The following MAP3K12 variants were observed in gnomAD, a reference collection of about 807,000 sequenced individuals.
The protein encoded by MAP3K12 is mitogen-activated protein kinase kinase kinase 12.
Under a neutral mutation model 87.5 loss-of-function variants are expected in MAP3K12, and 14 were observed. The observed-to-expected ratio is 0.16, with a 90% confidence interval of 0.11 to 0.25. The LOEUF is 0.25. MAP3K12 is among the 10% of genes least tolerant of loss of function. MAP3K12 has a pLI of 1.00. For synonymous variants in MAP3K12, 469 were observed against 452.5 expected, an observed-to-expected ratio of 1.04 and a Z score of -0.46; for missense variants, 802 against 1,140.4, an observed-to-expected ratio of 0.70 and a Z score of 4.27.
Position 53,487,346 on chromosome 12 carries a change from C to T in MAP3K12, c.46G>A (p.Gly16Ser). 6.2e-7 allele frequency: 1 copy of T among 1,613,824 alleles called. No individual in the cohort carries two copies. ...GCCTCACTTAGGGTAGACACAAAGCCCCCAAAGGAAGGAGAGGGTGTTCGG... is the reference window on the plus strand; with the variant it reads ...GCCTCACTTAGGGTAGACACAAAGCTCCCAAAGGAAGGAGAGGGTGTTCGG... ...ETRTPSPSFG[G>S]FVSTLSEASM... Residue 16 changes from glycine to serine, a missense_variant, in exon 2 of 14, where the codon GGC becomes AGC. By Grantham distance (56) the Gly-to-Ser change is moderately conservative. Around this residue, in one of 5 missense-constraint regions of MAP3K12, gnomAD observed 135 missense variants for 151.6 expected, o/e 0.89. Coordinates refer to ENST00000547488, the MANE Select transcript of MAP3K12 (RefSeq NM_001193511.2).
chr12:53,497,671 G>A lies in MAP3K12; in HGVS notation c.-38+1756C>T, dbSNP rs563080562. ...GTGAGTGAATGCATGAGTGGCTGGCGTGAGGGGCAGACATTTCCACCTCAC... is the reference window on the plus strand; with the variant it reads ...GTGAGTGAATGCATGAGTGGCTGGCATGAGGGGCAGACATTTCCACCTCAC... On this transcript the variant is annotated intron_variant, in intron 1 of 13. Coordinates refer to ENST00000547488, the MANE Select transcript of MAP3K12 (RefSeq NM_001193511.2). Among the ~76,000 whole-genome samples the A allele has an allele frequency of 9.8e-5, 15 of 152,326 alleles. No individual in the cohort carries two copies. The South Asian group carries it at 1.4e-3, about 15-fold the overall frequency.
At position 53,483,136 on chromosome 12, in the gene MAP3K12, C is replaced by G. The variant is rs760965317; in HGVS notation, c.1667G>C (p.Ser556Thr). 5.3e-6 allele frequency: 8 copies of G among 1,520,926 alleles called. No homozygotes were observed. Among genetic ancestry groups the G allele is most frequent in the Non-Finnish European group, 6.2e-6 (7 of 1,136,784 alleles). 94.2% of individuals were successfully genotyped at this position (1,520,926 alleles called of 1,614,324 possible). The stretch of plus-strand genomic sequence containing the variant: ...AGGACACCCAGGAAGCCCCACCCCA[C>G]TCAGGGCTGCATCTAGTTTAGGGAG... ...SLLPKLDAALSGVGLPGCPKG... is the reference protein window; with the variant it reads ...SLLPKLDAALTGVGLPGCPKG... Residue 556 changes from serine to threonine, a missense_variant, in exon 11 of 14, where the codon AGT becomes ACT. Coordinates refer to ENST00000547488, the MANE Select transcript of MAP3K12 (RefSeq NM_001193511.2).
intron 1 of MAP3K12, among the ~76,000 whole-genome samples, chr12:53,490,034 G>T (rs1943357770): frequency 6.6e-6 from 1 of 152,154 alleles, no homozygotes; most frequent in South Asian, 2.1e-4. Context: ...CAGGTGTGGT[G>T]GCTCATGCCT....
Position 53,482,144 on chromosome 12 carries a change from C to T in MAP3K12, c.2377G>A (p.Glu793Lys). Residue 793 changes from glutamate (E) to lysine (K), a missense_variant, in exon 13 of 14, where the codon GAG (glutamate) becomes AAG (lysine). Physicochemically the swap from Glu to Lys is moderately conservative, Grantham distance 56 (BLOSUM62 1). This residue lies in a region of MAP3K12 where 490 missense variants were observed against 496.6 expected (regional missense o/e 0.99). Coordinates refer to ENST00000547488, the MANE Select transcript of MAP3K12 (RefSeq NM_001193511.2). ...GAAGGTTCACTAGCTGTGCCTTCCT[C>T]CCCATCTGATGGATTCTCTGAGCTG... ...TFSSENPSDGEEGTASEPSPS... is the reference protein window; with the variant it reads ...TFSSENPSDGKEGTASEPSPS... 1 of 1,614,202 alleles carries T rather than the reference C, an allele frequency of 6.2e-7. No individual in the cohort carries two copies. Among genetic ancestry groups the T allele is most frequent in the Non-Finnish European group, 8.5e-7 (1 of 1,180,044 alleles).
chr12:53,481,803 A>G, intron 13 of MAP3K12, 138 bp downstream of exon 13: 1 of 1,078,628 alleles, frequency 9.3e-7, no homozygotes, highest in Non-Finnish European at 1.3e-6. Context: ...AGGCTTCTGA[A>G]ATTCCACCAC....
chr12:53,488,802 G>C (rs1323093355), intron 1 of MAP3K12, among the ~76,000 whole-genome samples: 1 of 152,132 alleles, frequency 6.6e-6, no homozygotes, highest in Non-Finnish European at 1.5e-5. Flanking sequence ...GACCTTGGCT[G>C]GGCGCAGTGG....
At position 53,482,109 on chromosome 12, in the gene MAP3K12, G is replaced by A; in HGVS notation, c.2412C>T (p.Gly804=). 1 of 1,614,228 alleles carries A rather than the reference G, an allele frequency of 6.2e-7. No individual in the cohort carries two copies. The highest frequency in any genetic ancestry group is 8.5e-7 in the Non-Finnish European group (1 of 1,180,052). Reference sequence around the variant, plus strand: ...TGTTGGTGCTGCCAACTTCAGGTGTGCCACTGGGGGAAGGTTCACTAGCTG... The same window carrying A: ...TGTTGGTGCTGCCAACTTCAGGTGTACCACTGGGGGAAGGTTCACTAGCTG... ...EGTASEPSPS[G]TPEVGSTNTD... The change falls in exon 13 of 14, where the codon GGC becomes GGT. Residue 804 remains glycine (G), a synonymous_variant. Transcript: ENST00000547488.
chr12:53,497,407 A>G (rs1943565885), intron 1 of MAP3K12, among the ~76,000 whole-genome samples: 1 of 152,196 alleles, frequency 6.6e-6, no homozygotes. Context: ...AAGACCAAAG[A>G]ATGAAGAAAC....
At position 53,487,139 on chromosome 12, in the gene MAP3K12, C is replaced by T; in HGVS notation, c.253G>A (p.Glu85Lys). The T allele has an allele frequency of 6.2e-7, 1 of 1,614,098 alleles. No homozygotes were observed. The highest frequency in any genetic ancestry group is 8.5e-7 in the Non-Finnish European group (1 of 1,180,006). ...CCCCCTGGGCCCCCTGCATCCTGCT[C>T]ATGTAGCTGCAGGACACTGTTGGCA... The part of the protein sequence containing the change: ...PFANSVLQLH[E>K]QDAGGPGGAA... The change falls in exon 2 of 14, where the codon GAG becomes AAG. Residue 85 changes from glutamate to lysine, a missense_variant. Glu to Lys is a moderately conservative substitution (Grantham distance 56). Transcript: ENST00000547488.
At chr12:53,497,390 GA>G (rs201072837) in intron 1 of MAP3K12, among the ~76,000 whole-genome samples, 12 of 151,822 alleles carry the variant, frequency 7.9e-5, no homozygotes, top group East Asian at 1.9e-4. Flanking sequence ...AAACAAGAGG[GA>G]AAAAAAAGAC....
intron 1 of MAP3K12, among the ~76,000 whole-genome samples, chr12:53,494,397 A>C (rs1256324172): frequency 6.6e-6 from 1 of 152,238 alleles, no homozygotes; most frequent in East Asian, 1.9e-4. Flanking sequence ...TTGGACACCC[A>C]ACAGGCCCTA....
At chr12:53,483,530 G>A (rs537747142) in intron 9 of MAP3K12, 44 bp from the exon 10 acceptor site, 1 of 1,613,908 alleles carries the variant, frequency 6.2e-7, no homozygotes, top group South Asian at 1.1e-5. Context: ...TGACCAGGAA[G>A]GGGCACCCCA....
At chr12:53,487,656 G>C (rs1246229099) in intron 1 of MAP3K12, 3 of 474,192 alleles carry the variant, frequency 6.3e-6, no homozygotes, top group South Asian at 3.3e-5. Context: ...CAAGTAATAG[G>C]TAGACAGGTA....
intron 4 of MAP3K12, 73 bp downstream of exon 4, chr12:53,485,983 G>T: frequency 1.4e-6 from 2 of 1,430,754 alleles, no homozygotes; most frequent in Non-Finnish European, 9.6e-7. Context: ...TGGTTTGGAA[G>T]CCGGGAGAAG....
chr12:53,480,501 A>C lies in MAP3K12; in HGVS notation c.*681T>G, dbSNP rs1039857881. The C allele has an allele frequency of 3.3e-5, 5 of 152,576 alleles. No homozygotes were observed. Among genetic ancestry groups the C allele is most frequent in the African/African-American group, 1.2e-4 (5 of 41,424 alleles). The allele number at this position is 152,576 out of a possible 1,614,324, so 9.5% of individuals were successfully genotyped here. A position where few individuals can be genotyped will look rare whatever the true frequency, so the allele number is the denominator to read the frequency against. ...GAAAACCCTCAACAGCTGGGCCTGC[A>C]TGGAGTGTTATATTTCAAGGTTTTT... On this transcript the variant is annotated 3_prime_UTR_variant, in exon 14 of 14. Coordinates refer to ENST00000547488, the MANE Select transcript of MAP3K12 (RefSeq NM_001193511.2).
intron 1 of MAP3K12, chr12:53,493,738 T>G (rs976566103): frequency 6.6e-6 from 1 of 152,188 alleles, no homozygotes; most frequent in Non-Finnish European, 1.5e-5. Context: ...CATCTGGTTG[T>G]TTGACGACTA....
chr12:53,498,385 T>C (rs1167760540), intron 1 of MAP3K12, among the ~76,000 whole-genome samples: 3 of 152,146 alleles, frequency 2.0e-5, no homozygotes, highest in Non-Finnish European at 2.9e-5. Context: ...GACTGTGGCT[T>C]GAGACGACTC....
At chr12:53,481,374 C>CA (rs1943036020) in intron 13 of MAP3K12, 94 bp from the exon 14 acceptor site, 1 of 555,990 alleles carries the variant, frequency 1.8e-6, no homozygotes, top group Non-Finnish European at 2.8e-6. Flanking sequence ...TTTTTTAAGA[C>CA]AGAGTCTCAC....
rs767420654 is a variant in MAP3K12, at chr12:53,482,575, G to A, written c.2228C>T (p.Thr743Ile). Reference sequence around the variant, plus strand: ...CTTCCCATACTTTACCTGACTTCGGGTGACGGCAGCCCTGTACAGCAGTGC... The same window carrying A: ...CTTCCCATACTTTACCTGACTTCGGATGACGGCAGCCCTGTACAGCAGTGC... ...PAALLYRAAV[T>I]RSQKRGISSE... The change falls in exon 11 of 14, where the codon ACC becomes ATC. Residue 743 changes from threonine (T) to isoleucine (I), a missense_variant. By Grantham distance (89) the Thr-to-Ile change is moderately conservative. Coordinates refer to ENST00000547488, the MANE Select transcript of MAP3K12 (RefSeq NM_001193511.2). 1 of 1,605,448 alleles carries A rather than the reference G, an allele frequency of 6.2e-7. No homozygotes were observed. The highest frequency in any genetic ancestry group is 1.7e-5 in the Admixed American group (1 of 58,412).
Sources: gnomAD v4.1 joint callset for allele counts (sites outside exome capture counted in the v4.1 genomes callset) on GRCh38, gnomAD v4.1.1 for gene constraint, gnomAD v4.1.1 regional missense constraint, MANE v1.5 for transcripts, NCBI Gene and HGNC (gene_info 2026-07-23, HGNC 2026-07-21) for gene names.